Variants in PDE7A observed in about 807,000 individuals in gnomAD.
PDE7A encodes high affinity 3',5'-cyclic-AMP phosphodiesterase 7A.
Under a neutral mutation model 64.3 loss-of-function variants are expected in PDE7A, and 39 were observed. The ratio of observed to expected loss-of-function variants is 0.61; its 90% CI spans 0.47 to 0.79. The LOEUF (loss-of-function observed/expected upper bound fraction) is 0.79. Among genes scored for constraint, PDE7A ranks in the 30% least tolerant of loss-of-function variants. The pLI is 0.00. For missense variants in PDE7A, 470 were observed against 582.8 expected, an observed-to-expected ratio of 0.81 and a Z score of 1.99; for synonymous variants, 203 against 206.8, an observed-to-expected ratio of 0.98 and a Z score of 0.16.
chr8:65,723,456 A>T, intron 12 of PDE7A, 85 bp downstream of exon 12: 1 of 1,208,266 alleles, frequency 8.3e-7, no homozygotes, highest in Non-Finnish European at 1.1e-6. Flanking sequence ...CATAATTTTA[A>T]TATTTTATAT....
chr8:65,743,839 C>CT (rs71981429), intron 5 of PDE7A, among the ~76,000 whole-genome samples: 15,603 of 145,262 alleles, frequency 0.11, 955 homozygotes, highest in Middle Eastern at 0.19. Context: ...AGCTGAATTG[C>CT]TTTTTTTTTT....
Position 65,717,038 on chromosome 8 carries a change from A to G in PDE7A, c.*2252T>C, listed in dbSNP as rs1291499371. Among the ~76,000 whole-genome samples the G allele has an allele frequency of 1.3e-5, 2 of 152,240 alleles. No homozygotes were observed. Among genetic ancestry groups the G allele is most frequent in the Admixed American group, 6.5e-5 (1 of 15,288 alleles). The stretch of plus-strand genomic sequence containing the variant: ...GACTTAGTACCCCCCAAAAGAATGT[A>G]AAAACATCTAATTGTTTTTATATTG... On this transcript the variant is annotated 3_prime_UTR_variant, in exon 13 of 13. Transcript: ENST00000401827.
intron 1 of PDE7A, among the ~76,000 whole-genome samples, chr8:65,825,990 G>A (rs796172958): frequency 2.0e-5 from 3 of 152,250 alleles, no homozygotes; most frequent in African/African-American, 7.2e-5. Flanking sequence ...GATGGTCAAG[G>A]AAGGCTCCTC....
rs143526710 is a variant in PDE7A, at chr8:65,811,261, C to T, written c.139-28418G>A. Among the ~76,000 whole-genome samples the T allele has an allele frequency of 4.8e-3, 734 of 152,258 alleles. 5 individuals carry two copies. The highest frequency in any genetic ancestry group is 0.017 in the African/African-American group (711 of 41,550). ...GAAGGGACTGTTTACTGAGGTCTGG[C>T]CAGGGTGCAGCACCCAGGGGCTAGC... On this transcript the variant is annotated intron_variant, in intron 1 of 12. Transcript: ENST00000401827.
intron 1 of PDE7A, among the ~76,000 whole-genome samples, chr8:65,806,242 A>G (rs995513005): frequency 6.6e-6 from 1 of 152,224 alleles, no homozygotes; most frequent in Non-Finnish European, 1.5e-5. Context: ...CCAAATGATA[A>G]TAACTTAATT....
At chr8:65,821,705 A>G (rs1810545600) in intron 1 of PDE7A, among the ~76,000 whole-genome samples, 1 of 152,252 alleles carries the variant, frequency 6.6e-6, no homozygotes, top group African/African-American at 2.4e-5. Flanking sequence ...GGTGATAGTC[A>G]GAATCAACAT....
chr8:65,767,624 G>A (rs1201823047), intron 3 of PDE7A, among the ~76,000 whole-genome samples: 1 of 152,060 alleles, frequency 6.6e-6, no homozygotes, highest in Non-Finnish European at 1.5e-5. Flanking sequence ...GGGGAATCTG[G>A]GGGAAGGAAT....
chr8:65,786,005 A>G (rs1396320451), intron 1 of PDE7A, among the ~76,000 whole-genome samples: 1 of 152,180 alleles, frequency 6.6e-6, no homozygotes, highest in Non-Finnish European at 1.5e-5. Flanking sequence ...CATAGTCTAG[A>G]TAACACCATG....
intron 1 of PDE7A, chr8:65,788,979 C>A: frequency 6.2e-7 from 1 of 1,605,896 alleles, no homozygotes; most frequent in East Asian, 2.2e-5. Context: ...TCTCTCTCTT[C>A]TACTAGGGAG....
At chr8:65,804,721 TAG>T (rs1343988441) in intron 1 of PDE7A, among the ~76,000 whole-genome samples, 1 of 151,972 alleles carries the variant, frequency 6.6e-6, no homozygotes, top group Admixed American at 6.6e-5. Flanking sequence ...CTATTTTTAG[TAG>T]AGACAGGGTT....
At chr8:65,820,006 G>A (rs1258479604) in intron 1 of PDE7A, among the ~76,000 whole-genome samples, 1 of 152,194 alleles carries the variant, frequency 6.6e-6, no homozygotes, top group Non-Finnish European at 1.5e-5. Context: ...ATTACTTCAT[G>A]GAGCAGAATA....
At chr8:65,762,991 A>ATG (rs34371328) in intron 3 of PDE7A, among the ~76,000 whole-genome samples, 1,806 of 138,574 alleles carry the variant, frequency 0.013, 19 homozygotes, top group Admixed American at 0.017. Context: ...TATAAAAACA[A>ATG]TGTGTGTGTG....
chr8:65,790,913 C>T (rs1242241435), intron 1 of PDE7A, among the ~76,000 whole-genome samples: 1 of 152,160 alleles, frequency 6.6e-6, no homozygotes, highest in African/African-American at 2.4e-5. Flanking sequence ...GAAACACTGG[C>T]GGTCATCTGT....
chr8:65,760,860 C>G (rs566635817), intron 3 of PDE7A, among the ~76,000 whole-genome samples: 1 of 152,078 alleles, frequency 6.6e-6, no homozygotes, highest in Admixed American at 6.5e-5. Flanking sequence ...GTGAAAAAAG[C>G]AAATAGAGGC....
rs1806205126 is a variant in PDE7A, at chr8:65,717,887, T to C, written c.*1403A>G. On this transcript the variant is annotated 3_prime_UTR_variant, in exon 13 of 13. Transcript: ENST00000401827. ...TGAACTAAAAGAAAGCACCGGTTTCTCTTAAAACTAGATTACAGTTGTGCT... is the reference window on the plus strand; with the variant it reads ...TGAACTAAAAGAAAGCACCGGTTTCCCTTAAAACTAGATTACAGTTGTGCT... 1 of 152,228 alleles carries C rather than the reference T, an allele frequency of 6.6e-6. No individual in the cohort carries two copies. Among genetic ancestry groups the C allele is most frequent in the African/African-American group, 2.4e-5 (1 of 41,460 alleles). 9.4% of individuals were successfully genotyped at this position (152,228 alleles called of 1,614,324 possible).
At chr8:65,758,828 C>T (rs575106282) in intron 3 of PDE7A, among the ~76,000 whole-genome samples, 1 of 152,148 alleles carries the variant, frequency 6.6e-6, no homozygotes, top group African/African-American at 2.4e-5. Flanking sequence ...AAGCAAAGCC[C>T]AATCCAGAAT....
chr8:65,761,651 A>G (rs1307459999), intron 3 of PDE7A, among the ~76,000 whole-genome samples: 1 of 152,232 alleles, frequency 6.6e-6, no homozygotes, highest in Non-Finnish European at 1.5e-5. Flanking sequence ...GACCAAGAAC[A>G]AACTACCAGC....
intron 1 of PDE7A, among the ~76,000 whole-genome samples, chr8:65,817,079 T>G (rs1243992089): frequency 6.6e-6 from 1 of 152,238 alleles, no homozygotes. Context: ...TCTTGCCATC[T>G]CAAATCTGCT....
chr8:65,824,477 G>A lies in PDE7A; in HGVS notation c.138+16894C>T, dbSNP rs141813439. 4.9e-3 allele frequency among the ~76,000 whole-genome samples: 742 copies of A among 152,294 alleles called. 1 individual carries two copies. The highest frequency in any genetic ancestry group is 0.01 in the Middle Eastern group (3 of 294). On this transcript the variant is annotated intron_variant, in intron 1 of 12. Transcript: ENST00000401827. ...GACTGACTTCAATTTTGGAAGTTCTGCCTGTGGATAAAAATGCTATTAAAC... is the reference window on the plus strand; with the variant it reads ...GACTGACTTCAATTTTGGAAGTTCTACCTGTGGATAAAAATGCTATTAAAC...
Sources: allele counts gnomAD v4.1 joint callset (sites outside exome capture counted in the v4.1 genomes callset), GRCh38; gene constraint gnomAD v4.1.1; transcripts MANE v1.5; gene names NCBI Gene and HGNC (gene_info 2026-07-23, HGNC 2026-07-21).